Variants in STAT4 observed in about 807,000 individuals in gnomAD.
STAT4 encodes the protein signal transducer and activator of transcription 4.
Under a neutral mutation model 110.5 loss-of-function variants are expected in STAT4, and 42 were observed. The ratio of observed to expected loss-of-function variants is 0.38; its 90% CI spans 0.30 to 0.49. The LOEUF is 0.49. STAT4 is among the 20% of genes least tolerant of loss of function. The pLI, the probability that STAT4 is intolerant of heterozygous loss-of-function variation, is 0.95. For missense variants in STAT4, 632 were observed against 887.9 expected (o/e 0.71, Z 3.66); for synonymous variants, 284 against 302.2 (o/e 0.94, Z 0.63).
In STAT4 at chr2:191,113,198, G is replaced by C. The variant is rs1331306821; in HGVS notation, c.273+33415C>G. On this transcript the variant is annotated intron_variant, in intron 3 of 23. Transcript: ENST00000392320. This position sits in a 1 kb window ranked among gnomAD's most constrained non-coding sequence, Gnocchi z 4.8. ...ACAGCCAGTGCTGGCAGACATTACT[G>C]GTGCCACTCATTCATTTGTTCCACA... Among the ~76,000 whole-genome samples the C allele has an allele frequency of 1.3e-5, 2 of 152,186 alleles. No individual in the cohort carries two copies. Among genetic ancestry groups the C allele is most frequent in the East Asian group, 3.8e-4 (2 of 5,200 alleles).
rs1053813015 is a variant in STAT4 at position 191,082,751 on chromosome 2, G to T, written c.274-6426C>A. 2.0e-5 allele frequency among the ~76,000 whole-genome samples: 3 copies of T among 152,030 alleles called. No individual in the cohort carries two copies. The highest frequency in any genetic ancestry group is 7.2e-5 in the African/African-American group (3 of 41,394). ...TTCATCTGCTCTTTTTCTTCCAAAT[G>T]GTCCAAGAAGTTCCAGAGTCAGAAG... is the stretch of plus-strand genomic sequence containing the variant. On this transcript the variant is annotated intron_variant, in intron 3 of 23. Coordinates refer to ENST00000392320, the MANE Select transcript of STAT4 (RefSeq NM_003151.4). This position sits in a 1 kb window ranked among gnomAD's most constrained non-coding sequence, Gnocchi z 4.7.
rs1248243780 is a variant in STAT4, at chr2:191,112,333, C to T, written c.273+34280G>A. Among the ~76,000 whole-genome samples the T allele has an allele frequency of 1.3e-5, 2 of 152,110 alleles. No homozygotes were observed. Among genetic ancestry groups the T allele is most frequent in the Admixed American group, 6.5e-5 (1 of 15,274 alleles). ...ACCTTGGGCAACAGCGTGACCTTTC[C>T]AAGCCTCAGTTCCCTCATCTGTAAA... On this transcript the variant is annotated intron_variant, in intron 3 of 23. Coordinates refer to ENST00000392320, the MANE Select transcript of STAT4 (RefSeq NM_003151.4). The surrounding 1 kb of genome is among the most constrained non-coding windows in gnomAD (Gnocchi z 4.3).
rs527418737 is a variant in STAT4 at position 191,029,794 on chromosome 2, A to C, written c.*46T>G. On this transcript the variant is annotated 3_prime_UTR_variant, in exon 24 of 24. Coordinates refer to ENST00000392320, the MANE Select transcript of STAT4 (RefSeq NM_003151.4). The surrounding 1 kb of genome is among the most constrained non-coding windows in gnomAD (Gnocchi z 4.5). ...GTTATTGGGCAAAGAACAGTCTTTA[A>C]ACTTTTTCATTTGCTTCCTTTCTTG... 25 of 1,573,536 alleles carry C rather than the reference A, an allele frequency of 1.6e-5. No individual in the cohort carries two copies. Among genetic ancestry groups the C allele is most frequent in the Admixed American group, 3.5e-5 (2 of 56,490 alleles).
chr2:191,089,770 C>T (rs1321814322), intron 3 of STAT4, among the ~76,000 whole-genome samples: 3 of 152,196 alleles, frequency 2.0e-5, no homozygotes, highest in African/African-American at 7.2e-5. Context: ...ATGAAATTTA[C>T]ATGCATATTA....
In STAT4 at chr2:191,042,611, T is replaced by C. The variant is rs1453248295; in HGVS notation, c.1252-1463A>G. Among the ~76,000 whole-genome samples the C allele has an allele frequency of 6.6e-6, 1 of 152,220 alleles. No homozygotes were observed. The highest frequency in any genetic ancestry group is 1.5e-5 in the Non-Finnish European group (1 of 68,042). On this transcript the variant is annotated intron_variant, in intron 14 of 23. Coordinates refer to ENST00000392320, the MANE Select transcript of STAT4 (RefSeq NM_003151.4). This position sits in a 1 kb window ranked among gnomAD's most constrained non-coding sequence, Gnocchi z 4.2. ...TGTGGTTAGGTTTAAACATTTCTTATATTCTAAAGATACCTGCTGAAGTAT... is the reference window on the plus strand; with the variant it reads ...TGTGGTTAGGTTTAAACATTTCTTACATTCTAAAGATACCTGCTGAAGTAT...
At chr2:191,115,697 A>G (rs998864138) in intron 3 of STAT4, among the ~76,000 whole-genome samples, 1 of 152,194 alleles carries the variant, frequency 6.6e-6, no homozygotes. Flanking sequence ...CTTGTTTCCA[A>G]TGAGAATCTT....
At chr2:191,101,987 G>T in intron 3 of STAT4, among the ~76,000 whole-genome samples, 1 of 147,564 alleles carries the variant, frequency 6.8e-6, no homozygotes, top group East Asian at 2.0e-4. Context: ...GTCTTCATTA[G>T]TTTGATATAT....
chr2:191,141,924 G>C (rs574564062), intron 3 of STAT4, among the ~76,000 whole-genome samples: 52 of 152,154 alleles, frequency 3.4e-4, no homozygotes, highest in African/African-American at 1.2e-3. Flanking sequence ...TTTTTAAAAA[G>C]ACAAAAAATG....
In STAT4 at chr2:191,066,553, A is replaced by C. The variant is rs1696991574; in HGVS notation, c.545-38T>G. On this transcript the variant is annotated intron_variant, in intron 6 of 23. Coordinates refer to ENST00000392320, the MANE Select transcript of STAT4 (RefSeq NM_003151.4). This position sits in a 1 kb window ranked among gnomAD's most constrained non-coding sequence, Gnocchi z 4.3. ...AGAGATCAGATTTAGAGTTCTCTCTATTCCTGAAAGTCAAGTCAGCCTCAA... is the reference window on the plus strand; with the variant it reads ...AGAGATCAGATTTAGAGTTCTCTCTCTTCCTGAAAGTCAAGTCAGCCTCAA... 1.9e-6 allele frequency: 3 copies of C among 1,593,170 alleles called. No individual in the cohort carries two copies. The highest frequency in any genetic ancestry group is 2.7e-5 in the African/African-American group (2 of 74,506).
chr2:191,104,169 A>T lies in STAT4; in HGVS notation c.274-27844T>A, dbSNP rs1299412911. On this transcript the variant is annotated intron_variant, in intron 3 of 23. Coordinates refer to ENST00000392320, the MANE Select transcript of STAT4 (RefSeq NM_003151.4). This position sits in a 1 kb window ranked among gnomAD's most constrained non-coding sequence, Gnocchi z 4.3. ...CAAGAAAAAATATACTAAAGTATCA[A>T]CAGTGGTTGCAAATCTGGATGATAG... Among the ~76,000 whole-genome samples the T allele has an allele frequency of 6.6e-6, 1 of 152,186 alleles. No individual in the cohort carries two copies. The highest frequency in any genetic ancestry group is 6.6e-5 in the Admixed American group (1 of 15,254).
intron 3 of STAT4, among the ~76,000 whole-genome samples, chr2:191,105,260 T>C (rs1284175623): frequency 6.6e-6 from 1 of 152,190 alleles, no homozygotes; most frequent in East Asian, 1.9e-4. Flanking sequence ...GCAGCCAGGG[T>C]GATCCTGTTG....
In STAT4 at chr2:191,032,231, A is replaced by G. The variant is rs188793807; in HGVS notation, c.2045-715T>C. On this transcript the variant is annotated intron_variant, in intron 21 of 23. Transcript: ENST00000392320. The surrounding 1 kb of genome is among the most constrained non-coding windows in gnomAD (Gnocchi z 4.9). Reference sequence around the variant, plus strand: ...TGACAACTGTAGGATATTCTACATGATGGTGCCCAAAGATTTAGTGCTATA... The same window carrying G: ...TGACAACTGTAGGATATTCTACATGGTGGTGCCCAAAGATTTAGTGCTATA... The G allele has an allele frequency of 2.0e-5, 3 of 152,378 alleles. No individual in the cohort carries two copies. The East Asian group carries it at 5.8e-4, about 29-fold the overall frequency. 9.4% of individuals were successfully genotyped at this position (152,378 alleles called of 1,614,324 possible).
chr2:191,061,714 A>T lies in STAT4; in HGVS notation c.1034+15T>A. On this transcript the variant is annotated intron_variant, in intron 10 of 23. Coordinates refer to ENST00000392320, the MANE Select transcript of STAT4 (RefSeq NM_003151.4). The surrounding 1 kb of genome is among the most constrained non-coding windows in gnomAD (Gnocchi z 6.2). ...TCCACAAACACACGAAATAGTAGAAAATGTTTTTGCCTACCTTAGTTTTAC... is the reference window on the plus strand; with the variant it reads ...TCCACAAACACACGAAATAGTAGAATATGTTTTTGCCTACCTTAGTTTTAC... 1 of 1,611,036 alleles carries T rather than the reference A, an allele frequency of 6.2e-7. No homozygotes were observed.
intron 3 of STAT4, among the ~76,000 whole-genome samples, chr2:191,098,889 G>A (rs1158007517): frequency 6.6e-6 from 1 of 151,962 alleles, no homozygotes; most frequent in South Asian, 2.1e-4. Flanking sequence ...AAATATTTTT[G>A]TGTGGAAAAA....
chr2:191,108,682 G>A (rs185360120), intron 3 of STAT4, among the ~76,000 whole-genome samples: 8 of 152,294 alleles, frequency 5.3e-5, no homozygotes, highest in African/African-American at 1.4e-4. Flanking sequence ...TCAGCAAAAC[G>A]GTGATGAATA....
rs1695839651 is a variant in STAT4 at position 191,029,949 on chromosome 2, C to A, written c.2221-83G>T. 9.3e-7 allele frequency: 1 copy of A among 1,071,882 alleles called. No individual in the cohort carries two copies. Among genetic ancestry groups the A allele is most frequent in the Non-Finnish European group, 1.4e-6 (1 of 727,084 alleles). The allele number at this position is 1,071,882 out of a possible 1,614,324, so 66.4% of individuals were successfully genotyped here. A position where few individuals can be genotyped will look rare whatever the true frequency, so the allele number is the denominator to read the frequency against. On this transcript the variant is annotated intron_variant, in intron 23 of 23. Coordinates refer to ENST00000392320, the MANE Select transcript of STAT4 (RefSeq NM_003151.4). This position sits in a 1 kb window ranked among gnomAD's most constrained non-coding sequence, Gnocchi z 4.5. ...TATTTCTTGGGCAAATAAACGTCCTCTTTTCTACGAATTACTCCATAATTT... is the reference window on the plus strand; with the variant it reads ...TATTTCTTGGGCAAATAAACGTCCTATTTTCTACGAATTACTCCATAATTT...
At chr2:191,078,273 GATC>G (rs1394875708) in intron 3 of STAT4, among the ~76,000 whole-genome samples, 1 of 151,974 alleles carries the variant, frequency 6.6e-6, no homozygotes, top group Non-Finnish European at 1.5e-5. Context: ...TTTCTATGCC[GATC>G]ATTCAGATAC....
chr2:191,073,101 C>T lies in STAT4; in HGVS notation c.462G>A (p.Val154=), dbSNP rs1490084663. 6.2e-7 allele frequency: 1 copy of T among 1,613,832 alleles called. No homozygotes were observed. Among genetic ancestry groups the T allele is most frequent in the Non-Finnish European group, 8.5e-7 (1 of 1,179,776 alleles). Residue 154 remains valine (V), a synonymous_variant, in exon 5 of 24, where the codon GTG becomes GTA. Transcript: ENST00000392320. ...GTATCTGTATAAAAGCACTTACCTG[C>T]ACACTGTTTTTAATGGCAGCCACTT... ...EHKVAAIKNS[V]QMTEQDTKYL...
At chr2:191,076,380 T>C in intron 3 of STAT4, 55 bp from the exon 4 acceptor site, 2 of 1,296,664 alleles carry the variant, frequency 1.5e-6, no homozygotes, top group East Asian at 2.3e-5. Flanking sequence ...AATATATGTA[T>C]CATAAGAAAA....
Sources: gnomAD v4.1 joint callset for allele counts (sites outside exome capture counted in the v4.1 genomes callset) on GRCh38, gnomAD v4.1.1 for gene constraint, Gnocchi (gnomAD v3.1) non-coding constraint, MANE v1.5 for transcripts, NCBI Gene and HGNC (gene_info 2026-07-23, HGNC 2026-07-21) for gene names.